RASGRP2: variants seen among roughly 807,000 people sequenced by gnomAD.
The protein encoded by RASGRP2 is RAS guanyl-releasing protein 2.
A neutral mutation model predicts 71.0 loss-of-function variants in RASGRP2; 44 were observed. The ratio of observed to expected loss-of-function variants is 0.62; its 90% CI spans 0.49 to 0.80. The LOEUF is 0.80. Among genes scored for constraint, RASGRP2 ranks in the 30% least tolerant of loss-of-function variants. RASGRP2 has a pLI of 0.00. For missense variants in RASGRP2, 663 were observed against 813.4 expected (o/e 0.82, Z 2.25); for synonymous variants, 350 against 330.7 (o/e 1.06, Z -0.63).
At chr11:64,734,174 C>T (rs551663249) in intron 12 of RASGRP2, among the ~76,000 whole-genome samples, 2 of 151,640 alleles carry the variant, frequency 1.3e-5, no homozygotes, top group Admixed American at 6.6e-5. Flanking sequence ...TAGCCAGGCA[C>T]GGTGATGCAT....
intron 12 of RASGRP2, among the ~76,000 whole-genome samples, chr11:64,731,742 C>A (rs772664960): frequency 8.5e-5 from 13 of 152,160 alleles, no homozygotes; most frequent in Admixed American, 4.6e-4. Flanking sequence ...ACCAAGATAC[C>A]ATTTGCCAAT....
At chr11:64,729,972 C>T (rs892413118) in intron 13 of RASGRP2, 81 bp downstream of exon 13, 18 of 1,525,102 alleles carry the variant, frequency 1.2e-5, no homozygotes, top group Admixed American at 2.0e-5. Context: ...AGGGCTCTGG[C>T]AGAGGCGGGG....
At position 64,739,070 on chromosome 11, in the gene RASGRP2, C is replaced by A. The variant is rs2058035913; in HGVS notation, c.813+290G>T. Among the ~76,000 whole-genome samples, 1 of 151,328 alleles carries A rather than the reference C, an allele frequency of 6.6e-6. No homozygotes were observed. Among genetic ancestry groups the A allele is most frequent in the African/African-American group, 2.4e-5 (1 of 41,120 alleles). On this transcript the variant is annotated intron_variant, in intron 8 of 16. Coordinates refer to ENST00000394432, the MANE Select transcript of RASGRP2 (RefSeq NM_001098671.2). The surrounding 1 kb of genome is among the most constrained non-coding windows in gnomAD (Gnocchi z 4.2). Reference sequence around the variant, plus strand: ...GGAGGATCGATTGAGCTCAGGAGTTCAAGGCTGCAGTGAGCTTGTGACTGC... The same window carrying A: ...GGAGGATCGATTGAGCTCAGGAGTTAAAGGCTGCAGTGAGCTTGTGACTGC...
intron 4 of RASGRP2, 140 bp from the exon 5 acceptor site, chr11:64,741,219 G>A: frequency 1.7e-6 from 2 of 1,193,316 alleles, no homozygotes; most frequent in Non-Finnish European, 2.4e-6. Context: ...GCCACTCCAA[G>A]TGTACATTAG....
rs1431194468 is a variant in RASGRP2 at position 64,743,126 on chromosome 11, G to A, written c.-71-189C>T. The A allele has an allele frequency of 7.2e-6, 5 of 697,908 alleles. No homozygotes were observed. The highest frequency in any genetic ancestry group is 1.5e-5 in the South Asian group (1 of 67,098). 43.2% of individuals were successfully genotyped at this position (697,908 alleles called of 1,614,324 possible). ...CCGCCAGTTGGGAAACGGACCCGCAGAGAGGCTTCCGGCCCACCCTCGGAG... is the reference window on the plus strand; with the variant it reads ...CCGCCAGTTGGGAAACGGACCCGCAAAGAGGCTTCCGGCCCACCCTCGGAG... On this transcript the variant is annotated intron_variant, in intron 1 of 16. Coordinates refer to ENST00000394432, the MANE Select transcript of RASGRP2 (RefSeq NM_001098671.2). This position sits in a 1 kb window ranked among gnomAD's most constrained non-coding sequence, Gnocchi z 4.9.
intron 15 of RASGRP2, 144 bp downstream of exon 15, chr11:64,728,719 C>T (rs2057656773): frequency 2.1e-6 from 2 of 948,796 alleles, no homozygotes; most frequent in African/African-American, 3.3e-5. Flanking sequence ...AGGCGTGAGC[C>T]ACCGCGCCCG....
chr11:64,740,227 C>A, intron 5 of RASGRP2, 64 bp from the exon 6 acceptor site: 1 of 1,596,198 alleles, frequency 6.3e-7, no homozygotes, highest in Non-Finnish European at 8.6e-7. Context: ...CCCCCACTCA[C>A]ACAGACACAC....
rs763370908 is a variant in RASGRP2 at position 64,739,757 on chromosome 11, A to T, written c.575T>A (p.Val192Asp). The change falls in exon 7 of 17, where the codon GTC becomes GAC. Residue 192 changes from valine (V) to aspartate (D), a missense_variant. Val to Asp is a radical substitution (Grantham distance 152). Coordinates refer to ENST00000394432, the MANE Select transcript of RASGRP2 (RefSeq NM_001098671.2). This position sits in a 1 kb window ranked among gnomAD's most constrained non-coding sequence, Gnocchi z 4.2. ...VTHGCTVDNPVLERFISLFNS... is the reference protein window; with the variant it reads ...VTHGCTVDNPDLERFISLFNS... ...GAAGAGGGAGATGAACCGCTCCAGG[A>T]CGGGGTTGTCCACAGTGCAGCCATG... 6.2e-7 allele frequency: 1 copy of T among 1,613,924 alleles called. No individual in the cohort carries two copies. Among genetic ancestry groups the T allele is most frequent in the Admixed American group, 1.7e-5 (1 of 60,016 alleles).
Position 64,739,888 on chromosome 11 carries a change from C to A in RASGRP2, c.523-79G>T. 1 of 1,607,974 alleles carries A rather than the reference C, an allele frequency of 6.2e-7. No homozygotes were observed. The highest frequency in any genetic ancestry group is 2.2e-5 in the East Asian group (1 of 44,766). On this transcript the variant is annotated intron_variant, in intron 6 of 16. Transcript: ENST00000394432. The surrounding 1 kb of genome is among the most constrained non-coding windows in gnomAD (Gnocchi z 4.2). The stretch of plus-strand genomic sequence containing the variant: ...AGCCACTCCTCACCCTCCAGCTGAC[C>A]TTCAGTGGTTACACTGAAACCCCTG...
chr11:64,727,180 G>T, intron 16 of RASGRP2, 49 bp from the exon 17 acceptor site: 1 of 853,370 alleles, frequency 1.2e-6, no homozygotes, highest in South Asian at 1.4e-5. Flanking sequence ...CTAACAACAA[G>T]GTAGTAGCCC....
chr11:64,742,435 G>C lies in RASGRP2; in HGVS notation c.74-323C>G, dbSNP rs1245964440. The C allele has an allele frequency of 3.6e-6, 2 of 563,078 alleles. No individual in the cohort carries two copies. Among genetic ancestry groups the C allele is most frequent in the Non-Finnish European group, 6.4e-6 (2 of 313,194 alleles). 34.9% of individuals were successfully genotyped at this position (563,078 alleles called of 1,614,324 possible). A position where few individuals can be genotyped will look rare whatever the true frequency, so the allele number is the denominator to read the frequency against. ...ATTTCCTGAGCGCTTGGGGGGAAGG[G>C]GCACCCCTTCACCAGATAAGCCGCC... On this transcript the variant is annotated intron_variant, in intron 2 of 16. Coordinates refer to ENST00000394432, the MANE Select transcript of RASGRP2 (RefSeq NM_001098671.2). The surrounding 1 kb of genome is among the most constrained non-coding windows in gnomAD (Gnocchi z 4.7).
Position 64,742,869 on chromosome 11 carries a change from C to G in RASGRP2, c.-3G>C, listed in dbSNP as rs757437988. 6.3e-7 allele frequency: 1 copy of G among 1,590,176 alleles called. No homozygotes were observed. The highest frequency in any genetic ancestry group is 1.1e-5 in the South Asian group (1 of 88,068). On this transcript the variant is annotated 5_prime_UTR_variant, in exon 2 of 17. Transcript: ENST00000394432. This position sits in a 1 kb window ranked among gnomAD's most constrained non-coding sequence, Gnocchi z 4.7. ...TCCAGGTCCAGGGTGCCTGCCATGGCCGCCGGCGCGGGGTGGGCTGGGCCC... is the reference window on the plus strand; with the variant it reads ...TCCAGGTCCAGGGTGCCTGCCATGGGCGCCGGCGCGGGGTGGGCTGGGCCC...
chr11:64,742,996 C>A lies in RASGRP2; in HGVS notation c.-71-59G>T, dbSNP rs1360869619. On this transcript the variant is annotated intron_variant, in intron 1 of 16. Transcript: ENST00000394432. This position sits in a 1 kb window ranked among gnomAD's most constrained non-coding sequence, Gnocchi z 4.7. ...AGTCGCGGGCGGGGGAGCGGCCCCG[C>A]GGGCAGAAACGGGGCGGGGCGGGCA... 1.3e-6 allele frequency: 2 copies of A among 1,490,228 alleles called. No homozygotes were observed. The highest frequency in any genetic ancestry group is 2.5e-5 in the East Asian group (1 of 39,834). 92.3% of individuals were successfully genotyped at this position (1,490,228 alleles called of 1,614,324 possible). A position where few individuals can be genotyped will look rare whatever the true frequency, so the allele number is the denominator to read the frequency against.
chr11:64,740,954 T>C lies in RASGRP2; in HGVS notation c.365A>G (p.Asp122Gly). Residue 122 changes from aspartate to glycine, a missense_variant, in exon 5 of 17, where the codon GAC becomes GGC. Asp to Gly is a moderately conservative substitution (Grantham distance 94, BLOSUM62 -1). Transcript: ENST00000394432. Reference sequence around the variant, plus strand: ...CTGTGCTCCCCCCACGCACACGCTGTCTATGTCGATTAGGCTGCTGTGCCG... The same window carrying C: ...CTGTGCTCCCCCCACGCACACGCTGCCTATGTCGATTAGGCTGCTGTGCCG... Reference protein sequence around the residue: ...NRRHSSLIDIDSVPTYKWKRQ... With the variant: ...NRRHSSLIDIGSVPTYKWKRQ... 2.5e-6 allele frequency: 4 copies of C among 1,608,444 alleles called. No individual in the cohort carries two copies. The highest frequency in any genetic ancestry group is 3.4e-6 in the Non-Finnish European group (4 of 1,177,400).
At chr11:64,741,176 G>C in intron 4 of RASGRP2, 97 bp from the exon 5 acceptor site, 1 of 1,466,402 alleles carries the variant, frequency 6.8e-7, no homozygotes, top group Non-Finnish European at 9.3e-7. Context: ...TAAGCAAAAA[G>C]ACCCTCAAAC....
intron 3 of RASGRP2, 92 bp downstream of exon 3, chr11:64,741,918 T>A: frequency 9.1e-7 from 1 of 1,100,170 alleles, no homozygotes; most frequent in African/African-American, 1.6e-5. Flanking sequence ...GGCCTATACT[T>A]AGGAGCGAGG....
At chr11:64,744,830 T>A (rs946743647), upstream of RASGRP2, 1 of 143,346 alleles carries the variant, frequency 7.0e-6, no homozygotes, top group Non-Finnish European at 1.5e-5. Flanking sequence ...CGGCTGCGGC[T>A]CCCGCCCGCT....
rs1322744704 is a variant in RASGRP2 at position 64,739,471 on chromosome 11, C to G, written c.702G>C (p.Leu234=). 2 of 1,614,180 alleles carry G rather than the reference C, an allele frequency of 1.2e-6. No homozygotes were observed. Among genetic ancestry groups the G allele is most frequent in the East Asian group, 4.5e-5 (2 of 44,884 alleles). Residue 234 remains leucine (L), a synonymous_variant, in exon 8 of 17, where the codon CTG becomes CTC. Transcript: ENST00000394432. This position sits in a 1 kb window ranked among gnomAD's most constrained non-coding sequence, Gnocchi z 4.2. ...GCGTGTTGAAGTTCTGCAGCTGTAGCAGCTTCTGGAAGGCAAATGGGGACG... is the reference window on the plus strand; with the variant it reads ...GCGTGTTGAAGTTCTGCAGCTGTAGGAGCTTCTGGAAGGCAAATGGGGACG... ...ITHFVHVAEK[L]LQLQNFNTLM...
Position 64,742,610 on chromosome 11 carries a change from T to A in RASGRP2, c.73+184A>T, listed in dbSNP as rs891338849. The A allele has an allele frequency of 2.5e-6, 2 of 789,508 alleles. No homozygotes were observed. Among genetic ancestry groups the A allele is most frequent in the Non-Finnish European group, 4.1e-6 (2 of 490,504 alleles). The allele number at this position is 789,508 out of a possible 1,614,324, so 48.9% of individuals were successfully genotyped here. A position where few individuals can be genotyped will look rare whatever the true frequency, so the allele number is the denominator to read the frequency against. On this transcript the variant is annotated intron_variant, in intron 2 of 16. Transcript: ENST00000394432. This position sits in a 1 kb window ranked among gnomAD's most constrained non-coding sequence, Gnocchi z 4.7. The stretch of plus-strand genomic sequence containing the variant: ...AAGGCTAGAGAAGGGAAACCTCATC[T>A]GTCTGAAGGGCGTGCATCTCTCTGC...
Sources: gnomAD v4.1 joint callset for allele counts (sites outside exome capture counted in the v4.1 genomes callset) on GRCh38, gnomAD v4.1.1 for gene constraint, Gnocchi (gnomAD v3.1) non-coding constraint, MANE v1.5 for transcripts, NCBI Gene and HGNC (gene_info 2026-07-23, HGNC 2026-07-21) for gene names.